SLC44A5: variants seen among roughly 807,000 people sequenced by gnomAD.
The protein encoded by SLC44A5 is solute carrier family 44 member 5, also known as choline transporter-like protein 5.
In SLC44A5, 57 loss-of-function variants were observed where a neutral mutation model predicts 101.8. The observed-to-expected ratio is 0.56, with a 90% CI of 0.45 to 0.70. SLC44A5 has a LOEUF of 0.70. SLC44A5 is among the 30% of genes least tolerant of loss of function. The pLI, the probability that SLC44A5 is intolerant of heterozygous loss-of-function variation, is 0.00. For synonymous variants in SLC44A5, 281 were observed against 290.9 expected, an observed-to-expected ratio of 0.97 and a Z score of 0.35; for missense variants, 737 against 853.1, an observed-to-expected ratio of 0.86 and a Z score of 1.70.
chr1:75,498,910 C>T (rs906288187), intron 2 of SLC44A5, among the ~76,000 whole-genome samples: 2 of 152,160 alleles, frequency 1.3e-5, no homozygotes, highest in Non-Finnish European at 2.9e-5. Context: ...TGTCTATAGT[C>T]ATATGCCATG....
At chr1:75,605,902 C>T (rs545276413) in intron 1 of SLC44A5, among the ~76,000 whole-genome samples, 1 of 151,982 alleles carries the variant, frequency 6.6e-6, no homozygotes, top group Admixed American at 6.6e-5. Flanking sequence ...CCCATAGCTT[C>T]TCAGCCTTGG....
the SLC44A5 span, chr1:75,710,127 C>T: frequency 6.6e-6 from 1 of 152,158 alleles, no homozygotes; most frequent in Admixed American, 6.5e-5. Context: ...TGAGGAAATT[C>T]TGGGGTGATG....
intron 1 of SLC44A5, among the ~76,000 whole-genome samples, chr1:75,601,667 G>C (rs992762679): frequency 6.6e-5 from 10 of 152,152 alleles, no homozygotes; most frequent in African/African-American, 2.2e-4. Flanking sequence ...GCTGGGTAAA[G>C]AGCTATCTCA....
intron 1 of SLC44A5, among the ~76,000 whole-genome samples, chr1:75,576,946 G>C (rs1388315457): frequency 1.3e-5 from 2 of 152,112 alleles, no homozygotes; most frequent in Non-Finnish European, 2.9e-5. Context: ...ATGTCTAATG[G>C]GCATCTCAAA....
intron 23 of SLC44A5, chr1:75,205,608 C>G (rs187571476): frequency 7.5e-4 from 114 of 152,254 alleles, no homozygotes; most frequent in Middle Eastern, 3.4e-3. Flanking sequence ...GTATGCCCCT[C>G]ATAAAGGTAT....
intron 1 of SLC44A5, among the ~76,000 whole-genome samples, chr1:75,558,689 T>G (rs1039120371): frequency 3.9e-5 from 6 of 152,130 alleles, no homozygotes; most frequent in African/African-American, 1.4e-4. Flanking sequence ...TTTGCGATAT[T>G]TTGATGTAGG....
chr1:75,627,541 G>A, the SLC44A5 span, among the ~76,000 whole-genome samples: 2 of 151,828 alleles, frequency 1.3e-5, no homozygotes, highest in Non-Finnish European at 2.9e-5. Flanking sequence ...TAAATATCCA[G>A]GCACGGTGGC....
chr1:75,476,054 G>A lies in SLC44A5; in HGVS notation c.13+65381C>T, dbSNP rs145695749. ...AAAAATTAGCTGGGAATGGTGGTGCGCACCTGTAATCCCAACTACTCAGGA... is the reference window on the plus strand; with the variant it reads ...AAAAATTAGCTGGGAATGGTGGTGCACACCTGTAATCCCAACTACTCAGGA... On this transcript the variant is annotated intron_variant, in intron 2 of 23. Coordinates refer to ENST00000370859, the MANE Select transcript of SLC44A5 (RefSeq NM_001130058.2). Among the ~76,000 whole-genome samples the A allele has an allele frequency of 6.0e-3, 907 of 152,068 alleles. 4 individuals are homozygous for A. The highest frequency in any genetic ancestry group is 0.02 in the African/African-American group (850 of 41,478).
chr1:75,589,609 C>T (rs886706012), intron 1 of SLC44A5, among the ~76,000 whole-genome samples: 2 of 152,122 alleles, frequency 1.3e-5, no homozygotes, highest in Non-Finnish European at 2.9e-5. Context: ...CAAAGTCAGG[C>T]GAGCATACAT....
intron 2 of SLC44A5, among the ~76,000 whole-genome samples, chr1:75,499,507 T>A (rs1308786937): frequency 6.6e-6 from 1 of 152,218 alleles, no homozygotes; most frequent in Non-Finnish European, 1.5e-5. Context: ...GTTCGGGGGT[T>A]GGGGAACCCT....
chr1:75,320,503 A>G (rs1423100917), intron 4 of SLC44A5, among the ~76,000 whole-genome samples: 1 of 152,180 alleles, frequency 6.6e-6, no homozygotes, highest in African/African-American at 2.4e-5. Flanking sequence ...GCTTAGCATA[A>G]CGAAAAGAAA....
intron 6 of SLC44A5, among the ~76,000 whole-genome samples, chr1:75,262,284 A>G (rs602852): frequency 3.8e-4 from 58 of 152,368 alleles, no homozygotes; most frequent in African/African-American, 1.4e-3. Flanking sequence ...CAACTTCAGC[A>G]AAGTCTCAGG....
At chr1:75,240,027 A>C (rs911325478) in intron 9 of SLC44A5, among the ~76,000 whole-genome samples, 1 of 151,898 alleles carries the variant, frequency 6.6e-6, no homozygotes, top group Non-Finnish European at 1.5e-5. Context: ...GGGTCCCTTG[A>C]CCTTATTTCA....
the SLC44A5 span, among the ~76,000 whole-genome samples, chr1:75,646,996 A>C: frequency 4.6e-5 from 7 of 152,348 alleles, no homozygotes; most frequent in East Asian, 1.2e-3. Flanking sequence ...AGTAATGAGG[A>C]GCCCAATGTT....
chr1:75,596,663 G>A (rs1173525589), intron 1 of SLC44A5, among the ~76,000 whole-genome samples: 2 of 151,974 alleles, frequency 1.3e-5, no homozygotes, highest in African/African-American at 2.4e-5. Flanking sequence ...CAAATCAATA[G>A]TGATTCATCA....
At chr1:75,516,935 T>C (rs1669870838) in intron 2 of SLC44A5, among the ~76,000 whole-genome samples, 1 of 152,216 alleles carries the variant, frequency 6.6e-6, no homozygotes, top group Admixed American at 6.6e-5. Context: ...TCAATTCTGT[T>C]CATGGGAAGA....
chr1:75,426,445 T>G (rs1664310167), intron 2 of SLC44A5, among the ~76,000 whole-genome samples: 1 of 152,196 alleles, frequency 6.6e-6, no homozygotes, highest in South Asian at 2.1e-4. Flanking sequence ...GCACATGTCC[T>G]CTTTAAAAGC....
chr1:75,679,591 C>G, the SLC44A5 span, among the ~76,000 whole-genome samples: 2 of 151,706 alleles, frequency 1.3e-5, no homozygotes, highest in Non-Finnish European at 2.9e-5. Flanking sequence ...CAGGCCTGCC[C>G]TAAAAGAGCT....
chr1:75,659,057 C>A, the SLC44A5 span, among the ~76,000 whole-genome samples: 1 of 151,862 alleles, frequency 6.6e-6, no homozygotes, highest in African/African-American at 2.4e-5. Flanking sequence ...CACAGACAAC[C>A]TAACAAGATT....
Sources: allele counts gnomAD v4.1 joint callset (sites outside exome capture counted in the v4.1 genomes callset), GRCh38; gene constraint gnomAD v4.1.1; transcripts MANE v1.5; gene names NCBI Gene and HGNC (gene_info 2026-07-23, HGNC 2026-07-21).